The following PAK4 variants were observed in gnomAD, a reference collection of about 807,000 sequenced individuals.
The protein encoded by PAK4 is p21 (RAC1) activated kinase 4.
PAK4 carries 49 observed loss-of-function variants against 53.5 expected under a neutral mutation model. That is an observed-to-expected ratio of 0.92 (90% CI 0.73 to 1.16). The LOEUF is 1.16. Ranked by LOEUF, PAK4 falls within the 50% of genes most tolerant of loss-of-function variation. The pLI is 0.00. For missense variants in PAK4, 824 were observed against 850.7 expected, an observed-to-expected ratio of 0.97 and a Z score of 0.39; for synonymous variants, 376 against 375.6, an observed-to-expected ratio of 1.00 and a Z score of -0.01.
At chr19:39,131,251 G>T (rs1344776269) in intron 1 of PAK4, among the ~76,000 whole-genome samples, 1 of 152,136 alleles carries the variant, frequency 6.6e-6, no homozygotes. Flanking sequence ...CTGTTCAGCT[G>T]GTTCTTACCC....
intron 1 of PAK4, among the ~76,000 whole-genome samples, chr19:39,166,730 C>A (rs1421925213): frequency 6.6e-6 from 1 of 152,222 alleles, no homozygotes; most frequent in Admixed American, 6.5e-5. Flanking sequence ...CAAGCCCAGC[C>A]TTTCTGCCTA....
intron 1 of PAK4, among the ~76,000 whole-genome samples, chr19:39,166,929 C>G (rs1181096502): frequency 6.6e-6 from 1 of 152,242 alleles, no homozygotes; most frequent in Non-Finnish European, 1.5e-5. Context: ...GCCCTCTGTG[C>G]AGTGCCCAGA....
intron 1 of PAK4, among the ~76,000 whole-genome samples, chr19:39,147,361 G>A (rs529870984): frequency 3.3e-5 from 5 of 152,328 alleles, no homozygotes; most frequent in South Asian, 4.1e-4. Flanking sequence ...GTAGTATTCC[G>A]TGGTCTGGAT....
Position 39,173,033 on chromosome 19 carries a change from C to CGCCCGCCCGT in PAK4, c.328_337dup (p.Gln113ProfsTer41). ...TCCCTGCGGAGAGACAGCCCGCCGC[C>CGCCCGCCCGT]GCCCGCCCGTGCCCGCCAGGAAAAT... On this transcript the variant is annotated frameshift_variant, in exon 3 of 9. Coordinates refer to ENST00000358301, the Ensembl canonical transcript of PAK4. LOFTEE classifies it high-confidence loss of function. The surrounding 1 kb of genome is among the most constrained non-coding windows in gnomAD (Gnocchi z 6.9). 6.5e-7 allele frequency: 1 copy of CGCCCGCCCGT among 1,549,142 alleles called. No homozygotes were observed. Among genetic ancestry groups the CGCCCGCCCGT allele is most frequent in the Non-Finnish European group, 8.7e-7 (1 of 1,146,902 alleles).
In PAK4 at chr19:39,175,988, A is replaced by G. The variant is rs558036412; in HGVS notation, c.1359+550A>G. On this transcript the variant is annotated intron_variant, in intron 6 of 8. Transcript: ENST00000358301. This position sits in a 1 kb window ranked among gnomAD's most constrained non-coding sequence, Gnocchi z 4.7. ...GCAGAGAGAGCTCTGTGTCACTGAC[A>G]GTCTGAAAATCTCCAGATGTCTATA... is the stretch of plus-strand genomic sequence containing the variant. Among the ~76,000 whole-genome samples, 1 of 152,364 alleles carries G rather than the reference A, an allele frequency of 6.6e-6. No individual in the cohort carries two copies. The highest frequency in any genetic ancestry group is 2.4e-5 in the African/African-American group (1 of 41,592).
At chr19:39,142,519 G>T (rs1246371585) in intron 1 of PAK4, among the ~76,000 whole-genome samples, 2 of 152,180 alleles carry the variant, frequency 1.3e-5, no homozygotes, top group African/African-American at 4.8e-5. Context: ...GCAGAAGTAG[G>T]GTGGGAGGGA....
At chr19:39,132,312 A>C (rs1051419318) in intron 1 of PAK4, among the ~76,000 whole-genome samples, 1 of 152,200 alleles carries the variant, frequency 6.6e-6, no homozygotes, top group Non-Finnish European at 1.5e-5. Context: ...GGGACGAGCA[A>C]ATCTCTTTCC....
chr19:39,143,927 G>T (rs1337344951), intron 1 of PAK4, among the ~76,000 whole-genome samples: 2 of 143,794 alleles, frequency 1.4e-5, no homozygotes, highest in Non-Finnish European at 3.0e-5. Flanking sequence ...AGCTATGATG[G>T]GGTCCTAGCT....
In PAK4 at chr19:39,173,247, C is replaced by A. The variant is rs757977130; in HGVS notation, c.534C>A (p.Arg178=). The A allele has an allele frequency of 1.3e-6, 2 of 1,585,838 alleles. No individual in the cohort carries two copies. The highest frequency in any genetic ancestry group is 1.7e-6 in the Non-Finnish European group (2 of 1,166,962). Residue 178 remains arginine, a synonymous_variant, in exon 3 of 9, where the codon CGC becomes CGA. Coordinates refer to ENST00000358301, the Ensembl canonical transcript of PAK4. The surrounding 1 kb of genome is among the most constrained non-coding windows in gnomAD (Gnocchi z 6.9). ...CCCAGGAGTCCTCCCGGGACAAACG[C>A]CCCCTCTCCGGGCCTGATGTCGGCA...
intron 1 of PAK4, among the ~76,000 whole-genome samples, chr19:39,133,729 C>G (rs939278138): frequency 1.3e-5 from 2 of 152,230 alleles, no homozygotes; most frequent in African/African-American, 4.8e-5. Context: ...CCGTCCCAGA[C>G]CCTCCCTGCT....
intron 1 of PAK4, among the ~76,000 whole-genome samples, chr19:39,147,284 G>A (rs1600338132): frequency 6.6e-6 from 1 of 151,992 alleles, no homozygotes; most frequent in East Asian, 1.9e-4. Context: ...TTTTTGCATT[G>A]ACTTTATCCC....
chr19:39,127,799 C>T (rs1197261565), intron 1 of PAK4, among the ~76,000 whole-genome samples: 2 of 152,180 alleles, frequency 1.3e-5, no homozygotes, highest in Admixed American at 6.5e-5. Context: ...TGGGCTGAAG[C>T]CTGAGTCCCT....
chr19:39,170,420 C>T (rs1482185801), intron 2 of PAK4, among the ~76,000 whole-genome samples: 1 of 152,058 alleles, frequency 6.6e-6, no homozygotes, highest in Admixed American at 6.5e-5. Context: ...GAACCAATGT[C>T]TGTTTCCAAG....
intron 1 of PAK4, among the ~76,000 whole-genome samples, chr19:39,129,477 C>T (rs939427061): frequency 2.6e-5 from 4 of 152,156 alleles, no homozygotes; most frequent in South Asian, 2.1e-4. Flanking sequence ...GCTTTCCTAG[C>T]GGTTGCCAAG....
rs372114788 is a variant in PAK4 at position 39,136,118 on chromosome 19, C to T, written c.-23+10199C>T. Among the ~76,000 whole-genome samples the T allele has an allele frequency of 4.4e-4, 56 of 126,876 alleles. No individual in the cohort carries two copies. The South Asian group carries it at 0.016, about 35-fold the overall frequency. The allele number at this position is 126,876 out of a possible 152,430, so 83.2% of individuals were successfully genotyped here. ...GTCACCCCCCTTCCTCATCATCCCCCTTCCTCGTTACCCCCCTTCCTTGTT... is the reference window on the plus strand; with the variant it reads ...GTCACCCCCCTTCCTCATCATCCCCTTTCCTCGTTACCCCCCTTCCTTGTT... On this transcript the variant is annotated intron_variant, in intron 1 of 8. Coordinates refer to ENST00000358301, the Ensembl canonical transcript of PAK4.
At position 39,175,267 on chromosome 19, in the gene PAK4, GGGGT is replaced by G. The variant is rs2074579886; in HGVS notation, c.1233-43_1233-40del. On this transcript the variant is annotated intron_variant, in intron 5 of 8. Transcript: ENST00000358301. This position sits in a 1 kb window ranked among gnomAD's most constrained non-coding sequence, Gnocchi z 4.7. ...AGGGCTGCGTCCCCCTCGGCACCCC[GGGGT>G]GCTGTCCAGCTGGCTGCTCACCCCC... 1 of 1,519,040 alleles carries G rather than the reference GGGGT, an allele frequency of 6.6e-7. No individual in the cohort carries two copies. The highest frequency in any genetic ancestry group is 1.4e-5 in the African/African-American group (1 of 72,494). 94.1% of individuals were successfully genotyped at this position (1,519,040 alleles called of 1,614,324 possible).
chr19:39,159,315 T>A (rs926009141), intron 1 of PAK4, among the ~76,000 whole-genome samples: 3 of 152,088 alleles, frequency 2.0e-5, no homozygotes, highest in Non-Finnish European at 4.4e-5. Flanking sequence ...GCAGGAGACA[T>A]ACTAATTAAG....
At chr19:39,127,806 C>G (rs1480853968) in intron 1 of PAK4, among the ~76,000 whole-genome samples, 1 of 152,158 alleles carries the variant, frequency 6.6e-6, no homozygotes, top group Non-Finnish European at 1.5e-5. Flanking sequence ...AAGCCTGAGT[C>G]CCTTTCCCCT....
intron 4 of PAK4, 81 bp from the exon 6 acceptor site, chr19:39,174,850 G>GA: frequency 6.5e-7 from 1 of 1,542,500 alleles, no homozygotes; most frequent in Non-Finnish European, 8.9e-7. Flanking sequence ...ACTGCAGGGG[G>GA]AGCCAGGGGG....
Sources: gnomAD v4.1 joint callset for allele counts (sites outside exome capture counted in the v4.1 genomes callset) on GRCh38, gnomAD v4.1.1 for gene constraint, Gnocchi (gnomAD v3.1) non-coding constraint, MANE v1.5 for transcripts, NCBI Gene and HGNC (gene_info 2026-07-23, HGNC 2026-07-21) for gene names.